The following TACC2 variants were observed in gnomAD, a reference collection of about 807,000 sequenced individuals.
TACC2 encodes the protein transforming acidic coiled-coil containing protein 2.
TACC2 carries 137 observed loss-of-function variants against 227.3 expected under a neutral mutation model. The ratio of observed to expected loss-of-function variants is 0.60; its 90% CI spans 0.52 to 0.69. TACC2 has a LOEUF of 0.69. Among genes scored for constraint, TACC2 ranks in the 30% least tolerant of loss-of-function variants. The probability of loss-of-function intolerance (pLI) is 0.00; values close to 1 mark genes in which losing one functional copy is unlikely to be tolerated. For synonymous variants in TACC2, 1,523 were observed against 1,487.5 expected (o/e 1.02, Z -0.55); for missense variants, 3,470 against 3,694.4 (o/e 0.94, Z 1.57).
chr10:122,006,455 T>A (rs201360911), intron 1 of TACC2, among the ~76,000 whole-genome samples: 2 of 85,880 alleles, frequency 2.3e-5, no homozygotes, highest in African/African-American at 3.4e-5. Flanking sequence ...TCTCAAAAAA[T>A]AAATAAATAA....
chr10:122,168,201 A>G (rs2093294601), intron 7 of TACC2, among the ~76,000 whole-genome samples: 2 of 152,054 alleles, frequency 1.3e-5, no homozygotes, highest in African/African-American at 2.4e-5. Flanking sequence ...CAGCGCACCC[A>G]GCCATAGATC....
intron 5 of TACC2, among the ~76,000 whole-genome samples, chr10:122,130,544 A>G (rs1489615959): frequency 2.6e-5 from 4 of 151,936 alleles, no homozygotes; most frequent in Admixed American, 2.6e-4. Context: ...AGCCTCCCCA[A>G]AGTGTTGGGA....
intron 7 of TACC2, among the ~76,000 whole-genome samples, chr10:122,172,470 C>T (rs971894113): frequency 6.6e-6 from 1 of 152,200 alleles, no homozygotes; most frequent in Non-Finnish European, 1.5e-5. Flanking sequence ...GGTGACTCCT[C>T]TGTGCCACTT....
At chr10:122,250,811 T>G (rs1462141148) in intron 22 of TACC2, among the ~76,000 whole-genome samples, 2 of 151,928 alleles carry the variant, frequency 1.3e-5, no homozygotes, top group Non-Finnish European at 2.9e-5. Context: ...TTCCCTGAGG[T>G]CCATATCTGA....
intron 5 of TACC2, among the ~76,000 whole-genome samples, chr10:122,093,696 C>T (rs2081073877): frequency 6.6e-6 from 1 of 152,194 alleles, no homozygotes; most frequent in Non-Finnish European, 1.5e-5. Flanking sequence ...TTTCCATCCT[C>T]AGTTTCTCTC....
intron 8 of TACC2, among the ~76,000 whole-genome samples, chr10:122,197,473 C>T (rs2094611308): frequency 6.6e-6 from 1 of 152,206 alleles, no homozygotes; most frequent in African/African-American, 2.4e-5. Flanking sequence ...TGCCTAACTT[C>T]CTTTCAACAA....
chr10:122,041,210 C>T (rs1481944090), intron 2 of TACC2, among the ~76,000 whole-genome samples: 1 of 152,186 alleles, frequency 6.6e-6, no homozygotes. Flanking sequence ...TTGTTTAAAG[C>T]TATGCTTGGT....
intron 2 of TACC2, among the ~76,000 whole-genome samples, chr10:122,024,322 C>T (rs866556457): frequency 3.8e-4 from 58 of 152,240 alleles, no homozygotes; most frequent in African/African-American, 1.2e-3. Flanking sequence ...GCCATGTTTG[C>T]ACTACTACAT....
rs370799288 is a variant in TACC2, at chr10:122,210,466, G to A, written c.6041G>A (p.Arg2014His). Residue 2014 changes from arginine to histidine, a missense_variant, in exon 9 of 23, where the codon CGT becomes CAT. This residue lies in a region of TACC2 where 593 missense variants were observed against 636.6 expected (regional missense o/e 0.93). Coordinates refer to ENST00000369005, the MANE Select transcript of TACC2 (RefSeq NM_206862.4). This position sits in a 1 kb window ranked among gnomAD's most constrained non-coding sequence, Gnocchi z 4.6. ...GACTCGGTGGAAGGAAGTCCCTTCC[G>A]TCCCCCGTCACACTCCTTCTCTGCC... ...RSDSVEGSPF[R>H]PPSHSFSAVF... is the part of the protein sequence containing the mutation. The A allele has an allele frequency of 1.7e-4, 268 of 1,613,818 alleles. No individual in the cohort carries two copies. The highest frequency in any genetic ancestry group is 2.1e-4 in the South Asian group (19 of 91,024).
At chr10:122,039,251 C>T (rs1454774000) in intron 2 of TACC2, among the ~76,000 whole-genome samples, 1 of 152,178 alleles carries the variant, frequency 6.6e-6, no homozygotes, top group Non-Finnish European at 1.5e-5. Context: ...ACTGGGATTA[C>T]AGGTGTGAGC....
chr10:122,202,074 A>T (rs1020154486), intron 8 of TACC2, among the ~76,000 whole-genome samples: 1 of 118,960 alleles, frequency 8.4e-6, no homozygotes. Flanking sequence ...ATGATGGCTC[A>T]TTTCTAAGTT....
At chr10:122,055,825 C>T (rs188480578) in intron 3 of TACC2, among the ~76,000 whole-genome samples, 6 of 152,300 alleles carry the variant, frequency 3.9e-5, no homozygotes, top group African/African-American at 1.4e-4. Context: ...TGGACTTGTG[C>T]GTATGCGGGC....
chr10:122,175,739 A>C (rs907164490), intron 7 of TACC2, among the ~76,000 whole-genome samples: 2 of 152,270 alleles, frequency 1.3e-5, no homozygotes, highest in East Asian at 3.9e-4. Flanking sequence ...ATATCTTCTC[A>C]CTATCCAGAG....
intron 3 of TACC2, among the ~76,000 whole-genome samples, chr10:122,066,918 G>C (rs1001584857): frequency 1.3e-5 from 2 of 152,110 alleles, no homozygotes. Flanking sequence ...CTTTCACAAT[G>C]ATTATATCAT....
intron 1 of TACC2, among the ~76,000 whole-genome samples, chr10:122,006,498 C>A (rs1333526189): frequency 7.7e-6 from 1 of 129,174 alleles, no homozygotes; most frequent in Non-Finnish European, 1.8e-5. Flanking sequence ...GGATGCCACT[C>A]TAATCCTTTT....
rs138354569 is a variant in TACC2 at position 122,033,026 on chromosome 10, C to T, written c.33+11012C>T. The T allele has an allele frequency of 9.8e-6, 10 of 1,022,332 alleles. No homozygotes were observed. The East Asian group carries it at 6.0e-4, about 62-fold the overall frequency. The allele number at this position is 1,022,332 out of a possible 1,614,324, so 63.3% of individuals were successfully genotyped here. A position where few individuals can be genotyped will look rare whatever the true frequency, so the allele number is the denominator to read the frequency against. On this transcript the variant is annotated intron_variant, in intron 2 of 22. Transcript: ENST00000369005. ...AAAACAAAAAAACCCCACAAAAACACCAAAGATTGTCCATCTGGTCCTGTT... is the reference window on the plus strand; with the variant it reads ...AAAACAAAAAAACCCCACAAAAACATCAAAGATTGTCCATCTGGTCCTGTT...
At chr10:122,165,812 G>T (rs1469903274) in intron 7 of TACC2, among the ~76,000 whole-genome samples, 2 of 152,100 alleles carry the variant, frequency 1.3e-5, no homozygotes, top group Admixed American at 6.5e-5. Context: ...TAAAAAAATG[G>T]AGAGAGAGGA....
chr10:122,221,229 C>G (rs2095517897), intron 11 of TACC2, among the ~76,000 whole-genome samples: 1 of 152,246 alleles, frequency 6.6e-6, no homozygotes, highest in Non-Finnish European at 1.5e-5. Context: ...AAATGGTTTT[C>G]TTTGCGTGGT....
rs139938868 is a variant in TACC2, at chr10:122,220,923, G to A, written c.7547-3803G>A. Among the ~76,000 whole-genome samples, 19 of 152,306 alleles carry A rather than the reference G, an allele frequency of 1.2e-4. No individual in the cohort carries two copies. The East Asian group carries it at 3.3e-3, about 26-fold the overall frequency. On this transcript the variant is annotated intron_variant, in intron 11 of 22. Coordinates refer to ENST00000369005, the MANE Select transcript of TACC2 (RefSeq NM_206862.4). ...TCCCCCAGTGTCCTGGCACAAATCCGTGGAGAGCCAGGTGTGCCTGACTTA... is the reference window on the plus strand; with the variant it reads ...TCCCCCAGTGTCCTGGCACAAATCCATGGAGAGCCAGGTGTGCCTGACTTA...
Sources: gnomAD v4.1 joint callset for allele counts (sites outside exome capture counted in the v4.1 genomes callset) on GRCh38, gnomAD v4.1.1 for gene constraint, gnomAD v4.1.1 regional missense constraint, Gnocchi (gnomAD v3.1) non-coding constraint, MANE v1.5 for transcripts, NCBI Gene and HGNC (gene_info 2026-07-23, HGNC 2026-07-21) for gene names.